The following PNLDC1 variants were observed in gnomAD, a reference collection of about 807,000 sequenced individuals.
PNLDC1 encodes the protein PARN like ribonuclease domain containing exonuclease 1, also known as poly(A)-specific ribonuclease PNLDC1.
In PNLDC1, 70 loss-of-function variants were observed where a neutral mutation model predicts 82.0. That is an observed-to-expected ratio of 0.85 (90% CI 0.70 to 1.04). The LOEUF is 1.04. PNLDC1 is among the 50% of genes least tolerant of loss of function. PNLDC1 has a pLI of 0.00. For missense variants in PNLDC1, 631 were observed against 661.1 expected (o/e 0.95, Z 0.50); for synonymous variants, 280 against 249.3 (o/e 1.12, Z -1.16).
chr6:159,801,346 T>C (rs538060743), intron 3 of PNLDC1, among the ~76,000 whole-genome samples, 160 bp downstream of exon 3: 1 of 152,252 alleles, frequency 6.6e-6, no homozygotes, highest in Non-Finnish European at 1.5e-5. Context: ...AAATCAACAC[T>C]TCGGAGCAAA....
upstream of PNLDC1, among the ~76,000 whole-genome samples, chr6:159,799,785 T>G (rs185571104): frequency 2.0e-5 from 3 of 151,896 alleles, no homozygotes; most frequent in Middle Eastern, 3.4e-3. Context: ...AGTGGTAAGG[T>G]GGACAGCAGA....
At position 159,819,764 on chromosome 6, in the gene PNLDC1, G is replaced by A. The variant is rs1487455114; in HGVS notation, c.1532+412G>A. ...ATTAGAGACTTGGAGTGAGCCAGGC[G>A]GAGGGGGCAGCAGGACGGAGCCTTC... On this transcript the variant is annotated intron_variant, in intron 18 of 18. Transcript: ENST00000392167. The surrounding 1 kb of genome is among the most constrained non-coding windows in gnomAD (Gnocchi z 4.6). 6.6e-5 allele frequency among the ~76,000 whole-genome samples: 10 copies of A among 152,160 alleles called. No homozygotes were observed. The highest frequency in any genetic ancestry group is 2.2e-4 in the African/African-American group (9 of 41,444).
intron 9 of PNLDC1, 141 bp from the exon 10 acceptor site, chr6:159,809,885 A>G (rs1781587732): frequency 5.8e-6 from 4 of 685,518 alleles, no homozygotes; most frequent in Admixed American, 5.4e-5. Context: ...TCACAGAGGC[A>G]AAGGAAGGTT....
upstream of PNLDC1, chr6:159,800,213 T>C (rs1171917843): frequency 1.6e-6 from 2 of 1,246,654 alleles, no homozygotes; most frequent in Admixed American, 4.6e-5. Flanking sequence ...TTTCCATGTG[T>C]GCGCCCTTTA....
chr6:159,807,521 C>G (rs576163654), intron 7 of PNLDC1, among the ~76,000 whole-genome samples: 1 of 152,350 alleles, frequency 6.6e-6, no homozygotes, highest in African/African-American at 2.4e-5. Context: ...TTGACAGCTT[C>G]CCAGTACCAC....
chr6:159,813,133 A>T (rs1781697333), intron 11 of PNLDC1, among the ~76,000 whole-genome samples: 2 of 152,216 alleles, frequency 1.3e-5, no homozygotes, highest in African/African-American at 4.8e-5. Context: ...GATGCCGCAC[A>T]GATGGGAGTG....
intron 16 of PNLDC1, 125 bp downstream of exon 16, chr6:159,818,779 T>G (rs543720744): frequency 5.8e-6 from 7 of 1,209,260 alleles, no homozygotes; most frequent in South Asian, 4.2e-5. Flanking sequence ...AGCTGGGTTT[T>G]TCTTTCCTCT....
At chr6:159,805,827 G>T in intron 6 of PNLDC1, 156 bp from the exon 7 acceptor site, 1 of 624,974 alleles carries the variant, frequency 1.6e-6, no homozygotes, top group Non-Finnish European at 2.9e-6. Context: ...TATTGCATAA[G>T]AGCCTCAGAG....
In PNLDC1 at chr6:159,813,806, C is replaced by T. The variant is rs1231317127; in HGVS notation, c.995+150C>T. 2.7e-5 allele frequency: 18 copies of T among 677,368 alleles called. No homozygotes were observed. In the East Asian group the frequency reaches 4.6e-4, roughly 17 times the overall value. 42.0% of individuals were successfully genotyped at this position (677,368 alleles called of 1,614,324 possible). On this transcript the variant is annotated intron_variant, in intron 12 of 18. Coordinates refer to ENST00000392167, the MANE Select transcript of PNLDC1 (RefSeq NM_001271862.2). ...CCTCCAGCTCCTCCTGCTTCATGGC[C>T]CCCTTCCTCCGATGACCCTCTTGCC...
At position 159,801,165 on chromosome 6, in the gene PNLDC1, C is replaced by T. The variant is rs1781238927; in HGVS notation, c.187C>T (p.Gln63Ter). The change falls in exon 3 of 19, where the codon CAA becomes TAA. Residue 63 changes from glutamine to a stop codon, truncating the protein, a stop_gained. Transcript: ENST00000392167. LOFTEE classifies it high-confidence loss of function. ...TCTAAAGACCCGTCAGAGTGTTCAG[C>T]AATTTACAGTCTGTCAGATTGGTGA... ...WYLKTRQSVQ[Q>*]FTVCQIGLSV... is the part of the protein sequence containing the mutation. 3 of 1,614,000 alleles carry T rather than the reference C, an allele frequency of 1.9e-6. No homozygotes were observed. Among genetic ancestry groups the T allele is most frequent in the Non-Finnish European group, 1.7e-6 (2 of 1,179,884 alleles).
rs913317399 is a variant in PNLDC1 at position 159,811,692 on chromosome 6, T to C, written c.854-9T>C. 6.2e-7 allele frequency: 1 copy of C among 1,610,494 alleles called. No individual in the cohort carries two copies. The highest frequency in any genetic ancestry group is 8.5e-7 in the Non-Finnish European group (1 of 1,177,150). On this transcript the variant is annotated splice_polypyrimidine_tract_variant and intron_variant, in intron 10 of 18. Transcript: ENST00000392167. ...ATTCACTCTTGACTACCTGGGTTTT[T>C]CCCCTCAGAAAGCTACGATCAATTT...
chr6:159,816,438 C>A, intron 13 of PNLDC1, 105 bp from the exon 14 acceptor site: 1 of 1,010,604 alleles, frequency 9.9e-7, no homozygotes, highest in Non-Finnish European at 1.6e-6. Flanking sequence ...TATGCAGGAC[C>A]ATGGGAGGTT....
chr6:159,816,620 A>C, intron 14 of PNLDC1, 24 bp downstream of exon 14: 1 of 1,594,510 alleles, frequency 6.3e-7, no homozygotes, highest in Non-Finnish European at 8.5e-7. Context: ...TTCCTTTAAA[A>C]GGAAACTCAC....
At chr6:159,804,846 G>A (rs1465143566) in intron 6 of PNLDC1, among the ~76,000 whole-genome samples, 1 of 152,202 alleles carries the variant, frequency 6.6e-6, no homozygotes, top group Non-Finnish European at 1.5e-5. Context: ...ACTCCCTAAT[G>A]AACCTCTCAC....
upstream of PNLDC1, among the ~76,000 whole-genome samples, chr6:159,799,896 C>G (rs1279976140): frequency 6.6e-6 from 1 of 152,132 alleles, no homozygotes; most frequent in Non-Finnish European, 1.5e-5. Context: ...GACCGTGAGC[C>G]GCAGCAAAGG....
rs757613394 is a variant in PNLDC1, at chr6:159,819,052, ATC to A, written c.1368_1369del (p.Cys457GlnfsTer3). On this transcript the variant is annotated frameshift_variant, in exon 17 of 19. Coordinates refer to ENST00000392167, the MANE Select transcript of PNLDC1 (RefSeq NM_001271862.2). LOFTEE classifies it high-confidence loss of function. This position sits in a 1 kb window ranked among gnomAD's most constrained non-coding sequence, Gnocchi z 4.6. Reference sequence around the variant, plus strand: ...CAGCAAGTCTACCATAAGTTTCAGAATCTCTGCAAGTTTGATGTCAGGCGACT... The same window carrying A: ...CAGCAAGTCTACCATAAGTTTCAGAATCTGCAAGTTTGATGTCAGGCGACT... 2.8e-5 allele frequency: 45 copies of A among 1,613,964 alleles called. No homozygotes were observed. The highest frequency in any genetic ancestry group is 3.8e-5 in the Non-Finnish European group (45 of 1,180,004).
At chr6:159,802,484 A>G (rs1781295795) in intron 3 of PNLDC1, among the ~76,000 whole-genome samples, 1 of 151,464 alleles carries the variant, frequency 6.6e-6, no homozygotes, top group South Asian at 2.1e-4. Context: ...CTTTTCTGTT[A>G]TGGTTTTTTT....
chr6:159,800,745 G>A (rs1214380941), intron 1 of PNLDC1, 27 bp from the exon 2 acceptor site: 2 of 1,614,102 alleles, frequency 1.2e-6, no homozygotes, highest in Non-Finnish European at 1.7e-6. Flanking sequence ...TGCACCCGAG[G>A]ACTGCTATTT....
At chr6:159,806,534 A>G (rs1265072009) in intron 7 of PNLDC1, among the ~76,000 whole-genome samples, 1 of 152,158 alleles carries the variant, frequency 6.6e-6, no homozygotes, top group Non-Finnish European at 1.5e-5. Context: ...AGTATCCCTC[A>G]GCTGTACTTG....
Sources: allele counts gnomAD v4.1 joint callset (sites outside exome capture counted in the v4.1 genomes callset), GRCh38; gene constraint gnomAD v4.1.1; non-coding constraint Gnocchi (gnomAD v3.1); transcripts MANE v1.5; gene names NCBI Gene and HGNC (gene_info 2026-07-23, HGNC 2026-07-21).